The following GALNT6 variants were observed in gnomAD, a reference collection of about 807,000 sequenced individuals.
GALNT6 encodes the protein GalNAc transferase 6.
A neutral mutation model predicts 65.9 loss-of-function variants in GALNT6; 51 were observed. That is an observed-to-expected ratio of 0.77 (90% CI 0.62 to 0.98). The LOEUF is 0.98. GALNT6 is among the 50% of genes least tolerant of loss of function. The probability of loss-of-function intolerance (pLI) is 0.00; values close to 1 mark genes in which losing one functional copy is unlikely to be tolerated. For missense variants in GALNT6, 708 were observed against 803.3 expected, an observed-to-expected ratio of 0.88 and a Z score of 1.43; for synonymous variants, 323 against 315.1, an observed-to-expected ratio of 1.02 and a Z score of -0.26.
chr12:51,388,004 C>T (rs1457927145), intron 2 of GALNT6, among the ~76,000 whole-genome samples: 1 of 152,162 alleles, frequency 6.6e-6, no homozygotes, highest in Non-Finnish European at 1.5e-5. Flanking sequence ...GGTCTGTGCC[C>T]AGCCTCCTCT....
intron 6 of GALNT6, among the ~76,000 whole-genome samples, chr12:51,361,152 C>G (rs1321479205): frequency 6.6e-6 from 1 of 152,268 alleles, no homozygotes; most frequent in Non-Finnish European, 1.5e-5. Context: ...CGGAGAAAGA[C>G]AGATCCTATT....
chr12:51,368,559 C>T (rs970715984), intron 4 of GALNT6, among the ~76,000 whole-genome samples: 1 of 151,960 alleles, frequency 6.6e-6, no homozygotes, highest in Non-Finnish European at 1.5e-5. Flanking sequence ...CACCTGCCAC[C>T]ACGCCCCGCT....
intron 5 of GALNT6, 89 bp from the exon 6 acceptor site, chr12:51,364,444 G>A: frequency 1.1e-6 from 1 of 874,430 alleles, no homozygotes; most frequent in Admixed American, 2.2e-5. Flanking sequence ...AGGAGGATAA[G>A]AGACAGTCCA....
intron 4 of GALNT6, among the ~76,000 whole-genome samples, chr12:51,372,915 C>T (rs1947335270): frequency 1.3e-5 from 2 of 152,246 alleles, no homozygotes; most frequent in South Asian, 4.1e-4. Context: ...CACTTTGGAA[C>T]TTTAAGGCTT....
intron 9 of GALNT6, 69 bp downstream of exon 9, chr12:51,358,061 G>A (rs996212073): frequency 3.5e-6 from 5 of 1,425,486 alleles, no homozygotes; most frequent in Non-Finnish European, 4.9e-6. Context: ...CATCTGTGGG[G>A]TCAGTGGTCT....
At chr12:51,380,644 A>G (rs999407677) in intron 2 of GALNT6, among the ~76,000 whole-genome samples, 1 of 152,212 alleles carries the variant, frequency 6.6e-6, no homozygotes, top group Non-Finnish European at 1.5e-5. Context: ...TACAAAAATT[A>G]GCTGGGCGTG....
At chr12:51,367,046 C>T (rs1947130637) in intron 4 of GALNT6, among the ~76,000 whole-genome samples, 2 of 151,902 alleles carry the variant, frequency 1.3e-5, no homozygotes, top group Admixed American at 1.3e-4. Context: ...GGTGGATCAC[C>T]TGAGGTTGGG....
At chr12:51,375,823 C>T (rs555275054) in intron 4 of GALNT6, among the ~76,000 whole-genome samples, 5 of 152,190 alleles carry the variant, frequency 3.3e-5, no homozygotes, top group African/African-American at 1.2e-4. Context: ...TCCCAGAGTG[C>T]TAGGATTACA....
chr12:51,355,833 G>A lies in GALNT6; in HGVS notation c.1728C>T (p.Pro576=), dbSNP rs576893651. ...CHFTGKNSQV[P]KDEEWELAQD... ...GGGCCAATTCCCATTCCTCGTCCTT[G>A]GGGACCTGGCTATTCTTGCCAGTGA... Residue 576 remains proline, a synonymous_variant, in exon 11 of 12, where the codon CCC becomes CCT. Coordinates refer to ENST00000356317, the MANE Select transcript of GALNT6 (RefSeq NM_007210.4). 374 of 1,613,704 alleles carry A rather than the reference G, an allele frequency of 2.3e-4. 6 individuals carry two copies. The South Asian group carries it at 3.8e-3, about 17-fold the overall frequency.
rs1350476581 is a variant in GALNT6 at position 51,364,072 on chromosome 12, T to G, written c.1049+49A>C. The stretch of plus-strand genomic sequence containing the variant: ...GTGAGATGGCACAGGTTCCTGGAAC[T>G]GGGTAGGACTGGGGCCAGGTTGGGG... On this transcript the variant is annotated intron_variant, in intron 6 of 11. Coordinates refer to ENST00000356317, the MANE Select transcript of GALNT6 (RefSeq NM_007210.4). 4.0e-6 allele frequency: 5 copies of G among 1,261,448 alleles called. No homozygotes were observed. In the African/African-American group the frequency reaches 7.3e-5, roughly 19 times the overall value. 78.1% of individuals were successfully genotyped at this position (1,261,448 alleles called of 1,614,324 possible).
chr12:51,359,594 A>AG, intron 7 of GALNT6: 1 of 348,258 alleles, frequency 2.9e-6, no homozygotes, highest in Non-Finnish European at 5.2e-6. Context: ...GGCCCACTTT[A>AG]GGGAAAAGCC....
At chr12:51,363,161 A>T (rs1455688676) in intron 6 of GALNT6, among the ~76,000 whole-genome samples, 1 of 152,222 alleles carries the variant, frequency 6.6e-6, no homozygotes, top group Non-Finnish European at 1.5e-5. Context: ...TATACTGGCC[A>T]GTCTAAGATA....
chr12:51,368,566 C>T (rs1343647821), intron 4 of GALNT6, among the ~76,000 whole-genome samples: 3 of 151,860 alleles, frequency 2.0e-5, no homozygotes, highest in Admixed American at 6.6e-5. Flanking sequence ...CACCACGCCC[C>T]GCTAATTTTT....
At chr12:51,371,602 T>C (rs1051412199) in intron 4 of GALNT6, among the ~76,000 whole-genome samples, 1 of 152,254 alleles carries the variant, frequency 6.6e-6, no homozygotes, top group Non-Finnish European at 1.5e-5. Context: ...TTCTTTTTTT[T>C]CCCTCTAATT....
chr12:51,352,334 G>A lies in GALNT6; in HGVS notation c.*2045C>T, dbSNP rs975562504. ...CAGGACCCTCCCGAGCCTTATCAGA[G>A]TCCTTACCCTCAGGGCTACTGATAC... On this transcript the variant is annotated 3_prime_UTR_variant, in exon 12 of 12. Transcript: ENST00000356317. The A allele has an allele frequency of 7.2e-5, 11 of 152,286 alleles. No individual in the cohort carries two copies. Among genetic ancestry groups the A allele is most frequent in the African/African-American group, 2.6e-4 (11 of 41,534 alleles). 9.4% of individuals were successfully genotyped at this position (152,286 alleles called of 1,614,324 possible).
rs201384521 is a variant in GALNT6 at position 51,365,491 on chromosome 12, G to A, written c.753C>T (p.Thr251=). 86 of 1,612,378 alleles carry A rather than the reference G, an allele frequency of 5.3e-5. No individual in the cohort carries two copies. Among genetic ancestry groups the A allele is most frequent in the South Asian group, 4.7e-4 (43 of 91,000 alleles). Residue 251 remains threonine (T), a synonymous_variant, in exon 5 of 12, where the codon ACC becomes ACT. Transcript: ENST00000356317. ...VRQEERKGLI[T]ARLLGASVAQ... is the part of the protein sequence containing the mutation. ...CCACGCTGGCCCCCAGCAGCCGGGC[G>A]GTGATCAGCCCCTTCCGCTCCTCCT...
chr12:51,375,096 G>T (rs970116767), intron 4 of GALNT6, among the ~76,000 whole-genome samples: 1 of 151,920 alleles, frequency 6.6e-6, no homozygotes, highest in Non-Finnish European at 1.5e-5. Flanking sequence ...AGGCTGTCTT[G>T]AACTCCTGGG....
intron 4 of GALNT6, among the ~76,000 whole-genome samples, chr12:51,371,247 C>G (rs1008772156): frequency 6.6e-6 from 1 of 151,964 alleles, no homozygotes; most frequent in African/African-American, 2.4e-5. Context: ...CCATGCCTGG[C>G]TAATTTTTGT....
At chr12:51,368,562 G>A (rs1947186949) in intron 4 of GALNT6, among the ~76,000 whole-genome samples, 1 of 151,766 alleles carries the variant, frequency 6.6e-6, no homozygotes, top group Non-Finnish European at 1.5e-5. Context: ...CTGCCACCAC[G>A]CCCCGCTAAT....
Sources: gnomAD v4.1 joint callset for allele counts (sites outside exome capture counted in the v4.1 genomes callset) on GRCh38, gnomAD v4.1.1 for gene constraint, MANE v1.5 for transcripts, NCBI Gene and HGNC (gene_info 2026-07-23, HGNC 2026-07-21) for gene names.